Variants in RIMS3 observed in about 807,000 individuals in gnomAD.
RIMS3 encodes regulating synaptic membrane exocytosis protein 3.
In RIMS3, 15 loss-of-function variants were observed where a neutral mutation model predicts 29.2. The ratio of observed to expected loss-of-function variants is 0.51; its 90% CI spans 0.34 to 0.79. RIMS3 has a LOEUF of 0.79. Among genes scored for constraint, RIMS3 ranks in the 30% least tolerant of loss-of-function variants. The pLI, the probability that RIMS3 is intolerant of heterozygous loss-of-function variation, is 0.01. For synonymous variants in RIMS3, 161 were observed against 170.1 expected (o/e 0.95, Z 0.41); for missense variants, 342 against 421.4 (o/e 0.81, Z 1.65).
chr1:40,650,863 CAAAAAA>C (rs58578342), intron 1 of RIMS3, among the ~76,000 whole-genome samples: 4 of 64,552 alleles, frequency 6.2e-5, no homozygotes, highest in Middle Eastern at 8.6e-3. Context: ...CAGACTCTGT[CAAAAAA>C]AAAAAAAAAA....
chr1:40,679,540 T>C, the RIMS3 span, among the ~76,000 whole-genome samples: 1 of 152,226 alleles, frequency 6.6e-6, no homozygotes, highest in Admixed American at 6.5e-5. Context: ...TTTGCACTCG[T>C]CATCTGCTTT....
chr1:40,648,529 G>A (rs955185672), intron 1 of RIMS3, among the ~76,000 whole-genome samples: 1 of 152,232 alleles, frequency 6.6e-6, no homozygotes, highest in Non-Finnish European at 1.5e-5. Context: ...AAGTGGGGAC[G>A]ATAATGCCTG....
rs188877482 is a variant in RIMS3 at position 40,641,686 on chromosome 1, C to T, written c.217+23G>A. On this transcript the variant is annotated intron_variant, in intron 3 of 7. Coordinates refer to ENST00000372684, the MANE Select transcript of RIMS3 (RefSeq NM_014747.3). ...TGCGAAGTGTCCCCCACCTCTACCC[C>T]GTGATGTCCCATGCCCCCTCACCAG... 4.6e-4 allele frequency: 744 copies of T among 1,612,040 alleles called. 5 individuals are homozygous for T. Among genetic ancestry groups the T allele is most frequent in the Admixed American group, 5.0e-5 (3 of 59,952 alleles).
At chr1:40,671,894 C>T in the RIMS3 span, among the ~76,000 whole-genome samples, 16 of 151,794 alleles carry the variant, frequency 1.1e-4, no homozygotes, top group African/African-American at 3.6e-4. Context: ...TCCCAAGTAG[C>T]TGTGACTACA....
the RIMS3 span, among the ~76,000 whole-genome samples, chr1:40,687,229 A>G: frequency 6.6e-6 from 1 of 152,360 alleles, no homozygotes; most frequent in South Asian, 2.1e-4. Flanking sequence ...ACAGAATTTC[A>G]GTATGGGATA....
chr1:40,692,037 T>TCGC, the RIMS3 span: 2 of 193,572 alleles, frequency 1.0e-5, no homozygotes, highest in African/African-American at 2.4e-5. Flanking sequence ...CCCGCTGCTG[T>TCGC]CGCCGCCGCC....
rs748372668 is a variant in RIMS3, at chr1:40,636,056, T to G, written c.219A>C (p.Glu73Asp). 1 of 1,602,628 alleles carries G rather than the reference T, an allele frequency of 6.2e-7. No individual in the cohort carries two copies. Among genetic ancestry groups the G allele is most frequent in the East Asian group, 2.2e-5 (1 of 44,884 alleles). Reference sequence around the variant, plus strand: ...TGCTGCGCAGCTTCTTGGTGGCCCCTTCTGTGACCCCCCCAACCCCAAGCA... The same window carrying G: ...TGCTGCGCAGCTTCTTGGTGGCCCCGTCTGTGACCCCCCCAACCCCAAGCA... ...SKSTLQLPQP[E>D]GATKKLRSNI... is the part of the protein sequence containing the mutation. The change falls in exon 4 of 8, where the codon GAA (glutamate) becomes GAC (aspartate). Residue 73 changes from glutamate (E) to aspartate (D), a missense_variant and splice_region_variant. Glu to Asp is a conservative substitution (Grantham distance 45, BLOSUM62 2). Coordinates refer to ENST00000372684, the MANE Select transcript of RIMS3 (RefSeq NM_014747.3). The surrounding 1 kb of genome is among the most constrained non-coding windows in gnomAD (Gnocchi z 4.2).
chr1:40,646,481 T>C lies in RIMS3; in HGVS notation c.-32+1187A>G, dbSNP rs368428955. Among the ~76,000 whole-genome samples, 11 of 152,292 alleles carry C rather than the reference T, an allele frequency of 7.2e-5. No individual in the cohort carries two copies. In the East Asian group the frequency reaches 1.7e-3, roughly 24 times the overall value. ...GCAAGTCCCTTCACCAATTCCCTGC[T>C]TCTGAGCAGACTGTCCCTTTCTCAG... On this transcript the variant is annotated intron_variant, in intron 2 of 7. Coordinates refer to ENST00000372684, the MANE Select transcript of RIMS3 (RefSeq NM_014747.3).
the RIMS3 span, chr1:40,691,805 G>T: frequency 2.5e-5 from 11 of 447,056 alleles, no homozygotes; most frequent in Non-Finnish European, 4.5e-5. Flanking sequence ...CTGGGCCTCT[G>T]CATTGCCCGA....
At chr1:40,689,268 G>T in the RIMS3 span, among the ~76,000 whole-genome samples, 3 of 152,142 alleles carry the variant, frequency 2.0e-5, no homozygotes, top group Non-Finnish European at 4.4e-5. Context: ...CTGCTCAGAA[G>T]TGGTTCATGC....
At chr1:40,669,161 T>A (rs1479186859), upstream of RIMS3, 1 of 152,256 alleles carries the variant, frequency 6.6e-6, no homozygotes, top group Non-Finnish European at 1.5e-5. Context: ...TAACAGCTAA[T>A]TTTTTGAGGG....
In RIMS3 at chr1:40,636,204, G is replaced by T; in HGVS notation, c.218-147C>A. ...GGCTCTGACTGGAGGCAGGGGCATGGCTGAGCTGACCTCAGAGCTGGTCTG... is the reference window on the plus strand; with the variant it reads ...GGCTCTGACTGGAGGCAGGGGCATGTCTGAGCTGACCTCAGAGCTGGTCTG... On this transcript the variant is annotated intron_variant, in intron 3 of 7. Coordinates refer to ENST00000372684, the MANE Select transcript of RIMS3 (RefSeq NM_014747.3). The surrounding 1 kb of genome is among the most constrained non-coding windows in gnomAD (Gnocchi z 4.2). 1 of 1,035,356 alleles carries T rather than the reference G, an allele frequency of 9.7e-7. No homozygotes were observed. The highest frequency in any genetic ancestry group is 1.4e-6 in the Non-Finnish European group (1 of 708,866). The allele number at this position is 1,035,356 out of a possible 1,614,324, so 64.1% of individuals were successfully genotyped here.
rs532724772 is a variant in RIMS3 at position 40,621,182 on chromosome 1, A to G, written c.*5335T>C. 1 of 152,358 alleles carries G rather than the reference A, an allele frequency of 6.6e-6. No homozygotes were observed. Among genetic ancestry groups the G allele is most frequent in the South Asian group, 2.1e-4 (1 of 4,830 alleles). The allele number at this position is 152,358 out of a possible 1,614,324, so 9.4% of individuals were successfully genotyped here. The stretch of plus-strand genomic sequence containing the variant: ...CCCATCAGAGAACATTTCCTTTAGA[A>G]TTCTCAGATCTTCAACTCTCCCACT... On this transcript the variant is annotated 3_prime_UTR_variant, in exon 8 of 8. Transcript: ENST00000372684.
At chr1:40,664,569 C>T (rs1264758610) in intron 1 of RIMS3, among the ~76,000 whole-genome samples, 2 of 152,160 alleles carry the variant, frequency 1.3e-5, no homozygotes, top group East Asian at 3.9e-4. Flanking sequence ...CCCTGAAGGA[C>T]CACATTGAAA....
intron 3 of RIMS3, among the ~76,000 whole-genome samples, chr1:40,639,091 A>G (rs1286981420): frequency 6.6e-6 from 1 of 152,178 alleles, no homozygotes; most frequent in Non-Finnish European, 1.5e-5. Flanking sequence ...AGGTCTAGCC[A>G]TTGCACAGTA....
upstream of RIMS3, chr1:40,665,770 T>A (rs1642417280): frequency 6.5e-6 from 1 of 152,880 alleles, no homozygotes; most frequent in Admixed American, 6.5e-5. Flanking sequence ...GGGCCGGACC[T>A]TGGTGGTGGG....
At chr1:40,652,167 GGCT>G (rs1279707382) in intron 1 of RIMS3, among the ~76,000 whole-genome samples, 1 of 152,080 alleles carries the variant, frequency 6.6e-6, no homozygotes, top group Non-Finnish European at 1.5e-5. Flanking sequence ...TCCTTACAGG[GGCT>G]GCTAAACTTG....
At chr1:40,688,767 C>A in the RIMS3 span, among the ~76,000 whole-genome samples, 1 of 152,176 alleles carries the variant, frequency 6.6e-6, no homozygotes, top group Non-Finnish European at 1.5e-5. Flanking sequence ...CTTAGAGGGG[C>A]AATGGTAGTG....
At chr1:40,683,472 C>T in the RIMS3 span, among the ~76,000 whole-genome samples, 1 of 152,218 alleles carries the variant, frequency 6.6e-6, no homozygotes, top group African/African-American at 2.4e-5. Flanking sequence ...CATGTGATAT[C>T]TTCTGCCACG....
Sources: allele counts gnomAD v4.1 joint callset (sites outside exome capture counted in the v4.1 genomes callset), GRCh38; gene constraint gnomAD v4.1.1; non-coding constraint Gnocchi (gnomAD v3.1); transcripts MANE v1.5; gene names NCBI Gene and HGNC (gene_info 2026-07-23, HGNC 2026-07-21).